RORA: variants seen among roughly 807,000 people sequenced by gnomAD.
RORA encodes the protein RAR related orphan receptor A.
Under a neutral mutation model 69.5 loss-of-function variants are expected in RORA, and 7 were observed. That is an observed-to-expected ratio of 0.10 (90% CI 0.06 to 0.19). The LOEUF is 0.19. RORA is among the 10% of genes least tolerant of loss of function. The pLI is 1.00. For synonymous variants in RORA, 261 were observed against 240.8 expected (o/e 1.08, Z -0.78); for missense variants, 457 against 663.0 (o/e 0.69, Z 3.41).
At chr15:61,078,694 C>T (rs2078490650) in intron 1 of RORA, among the ~76,000 whole-genome samples, 1 of 152,044 alleles carries the variant, frequency 6.6e-6, no homozygotes, top group Non-Finnish European at 1.5e-5. Flanking sequence ...AGCTCTTATA[C>T]TCTATTAATG....
chr15:60,675,604 CTG>C (rs1279050365), intron 2 of RORA, among the ~76,000 whole-genome samples: 1 of 152,196 alleles, frequency 6.6e-6, no homozygotes, highest in Non-Finnish European at 1.5e-5. Flanking sequence ...TTAGGAGAAA[CTG>C]AGTTCTCCAA....
At chr15:60,798,487 C>T (rs991172403) in intron 1 of RORA, among the ~76,000 whole-genome samples, 1 of 151,934 alleles carries the variant, frequency 6.6e-6, no homozygotes, top group African/African-American at 2.4e-5. Flanking sequence ...TGTCTGGTTC[C>T]TGAGCACTAG....
At chr15:60,707,234 A>C (rs1037143384) in intron 1 of RORA, among the ~76,000 whole-genome samples, 5 of 152,166 alleles carry the variant, frequency 3.3e-5, no homozygotes, top group African/African-American at 1.2e-4. Context: ...AATCTCACCC[A>C]GTCCCCTGAA....
intron 2 of RORA, among the ~76,000 whole-genome samples, chr15:60,563,007 A>G (rs550268929): frequency 1.3e-5 from 2 of 152,332 alleles, no homozygotes; most frequent in East Asian, 3.9e-4. Flanking sequence ...CTATTCTCCC[A>G]GGTGGCTATC....
intron 2 of RORA, among the ~76,000 whole-genome samples, chr15:60,536,325 ATTG>A (rs1380783294): frequency 1.3e-5 from 2 of 152,196 alleles, no homozygotes; most frequent in African/African-American, 2.4e-5. Context: ...AGTTATTATT[ATTG>A]TTGTTGTTGA....
chr15:60,829,086 C>A (rs947255369), intron 1 of RORA, among the ~76,000 whole-genome samples: 2 of 152,166 alleles, frequency 1.3e-5, no homozygotes, highest in Admixed American at 6.5e-5. Flanking sequence ...TCAGACAGAG[C>A]ATTCAGTAAG....
intron 2 of RORA, among the ~76,000 whole-genome samples, chr15:60,651,847 C>A (rs2070147229): frequency 6.6e-6 from 1 of 152,198 alleles, no homozygotes; most frequent in South Asian, 2.1e-4. Flanking sequence ...TGTGGGGAAC[C>A]ATAAATATCA....
At chr15:60,984,194 G>C in intron 1 of RORA, among the ~76,000 whole-genome samples, 1 of 152,080 alleles carries the variant, frequency 6.6e-6, no homozygotes, top group Non-Finnish European at 1.5e-5. Flanking sequence ...CCCCGATTGA[G>C]TAATGATAAT....
At chr15:60,521,405 C>G (rs2066163720) in intron 3 of RORA, among the ~76,000 whole-genome samples, 1 of 151,824 alleles carries the variant, frequency 6.6e-6, no homozygotes, top group Non-Finnish European at 1.5e-5. Context: ...CCACACCGAG[C>G]TAATTTTTGT....
chr15:60,853,083 T>A lies in RORA; in HGVS notation c.167-174397A>T, dbSNP rs544143291. 4.1e-4 allele frequency among the ~76,000 whole-genome samples: 63 copies of A among 152,180 alleles called. 1 individual carries two copies. The South Asian group carries it at 0.013, about 31-fold the overall frequency. ...TATAACGAGAGCCAGCCAGACACAATCTCTCTGCTCAGAGTTCAGGGCGGA... is the reference window on the plus strand; with the variant it reads ...TATAACGAGAGCCAGCCAGACACAAACTCTCTGCTCAGAGTTCAGGGCGGA... On this transcript the variant is annotated intron_variant, in intron 1 of 10. Coordinates refer to ENST00000335670, the MANE Select transcript of RORA (RefSeq NM_134261.3).
At chr15:60,788,163 G>A (rs945667249) in intron 1 of RORA, among the ~76,000 whole-genome samples, 1 of 152,224 alleles carries the variant, frequency 6.6e-6, no homozygotes, top group Non-Finnish European at 1.5e-5. Flanking sequence ...TGAAAGCAGG[G>A]GTAGGCTGAA....
chr15:61,047,264 C>G (rs1303593275), intron 1 of RORA, among the ~76,000 whole-genome samples: 1 of 152,228 alleles, frequency 6.6e-6, no homozygotes, highest in Non-Finnish European at 1.5e-5. Flanking sequence ...GGCCTGGGCC[C>G]CCTGCAGAAG....
intron 1 of RORA, among the ~76,000 whole-genome samples, chr15:61,014,819 G>C (rs1895222942): frequency 6.6e-6 from 1 of 152,170 alleles, no homozygotes; most frequent in Non-Finnish European, 1.5e-5. Flanking sequence ...AAAATTAACA[G>C]CATGCTTAGG....
At chr15:60,678,801 G>T in intron 1 of RORA, 115 bp from the exon 2 acceptor site, 1 of 841,866 alleles carries the variant, frequency 1.2e-6, no homozygotes, top group Non-Finnish European at 2.0e-6. Flanking sequence ...GGAAGTGGAA[G>T]CAAGACCAGT....
At chr15:60,542,073 A>G (rs2066890166) in intron 2 of RORA, among the ~76,000 whole-genome samples, 1 of 152,208 alleles carries the variant, frequency 6.6e-6, no homozygotes, top group Admixed American at 6.5e-5. Context: ...GTGTGACATT[A>G]TCACTGCAAT....
chr15:60,794,832 G>A (rs918133914), intron 1 of RORA, among the ~76,000 whole-genome samples: 7 of 152,148 alleles, frequency 4.6e-5, no homozygotes, highest in Admixed American at 6.5e-5. Context: ...TGCCTCATGC[G>A]CCCATATCCT....
chr15:61,026,751 G>A (rs372341723), intron 1 of RORA, among the ~76,000 whole-genome samples: 18 of 152,126 alleles, frequency 1.2e-4, no homozygotes, highest in Non-Finnish European at 5.9e-5. Context: ...TGCATCCTTT[G>A]CCTGTTCCTA....
At chr15:61,093,542 G>C (rs1474294322) in intron 1 of RORA, among the ~76,000 whole-genome samples, 1 of 152,242 alleles carries the variant, frequency 6.6e-6, no homozygotes, top group African/African-American at 2.4e-5. Context: ...GGTCACAGGG[G>C]ACATGCAGAA....
intron 1 of RORA, among the ~76,000 whole-genome samples, chr15:61,013,381 C>A (rs11071580): frequency 6.6e-6 from 1 of 152,078 alleles, no homozygotes; most frequent in Non-Finnish European, 1.5e-5. Context: ...AACTATCTAG[C>A]CCTTTACAGA....
Sources: allele counts gnomAD v4.1 joint callset (sites outside exome capture counted in the v4.1 genomes callset), GRCh38; gene constraint gnomAD v4.1.1; transcripts MANE v1.5; gene names NCBI Gene and HGNC (gene_info 2026-07-23, HGNC 2026-07-21).